Variants in IFT25 observed in about 807,000 individuals in gnomAD.
The protein encoded by IFT25 is intraflagellar transport protein 25 homolog.
chr1:53,935,450 T>C, the IFT25 span, among the ~76,000 whole-genome samples: 2 of 151,952 alleles, frequency 1.3e-5, no homozygotes, highest in Non-Finnish European at 2.9e-5. Flanking sequence ...TGGGGTTTCT[T>C]GTGTGGGGTT....
chr1:53,926,573 G>A, the IFT25 span, among the ~76,000 whole-genome samples: 1 of 151,986 alleles, frequency 6.6e-6, no homozygotes, highest in Non-Finnish European at 1.5e-5. Flanking sequence ...TTCCCCAATT[G>A]TCCCTGTCTT....
At chr1:53,931,257 T>C in the IFT25 span, among the ~76,000 whole-genome samples, 2 of 152,250 alleles carry the variant, frequency 1.3e-5, no homozygotes, top group East Asian at 1.9e-4. Context: ...AGTATTCTTG[T>C]ACAAGTGCTT....
At chr1:53,945,333 T>C in the IFT25 span, among the ~76,000 whole-genome samples, 1 of 152,226 alleles carries the variant, frequency 6.6e-6, no homozygotes, top group Admixed American at 6.5e-5. Context: ...ATTTCTGGCC[T>C]CAAAGAGTTT....
chr1:53,916,759 C>A, the IFT25 span: 1 of 384,442 alleles, frequency 2.6e-6, no homozygotes, highest in South Asian at 1.3e-4. Context: ...CCAAATTCAT[C>A]ATTATGAATG....
chr1:53,932,767 T>C, the IFT25 span, among the ~76,000 whole-genome samples: 1 of 152,294 alleles, frequency 6.6e-6, no homozygotes, highest in Admixed American at 6.5e-5. Flanking sequence ...GGTTTTGTCA[T>C]GTTGTCCAGG....
the IFT25 span, among the ~76,000 whole-genome samples, chr1:53,919,098 C>T: frequency 6.6e-6 from 1 of 152,116 alleles, no homozygotes; most frequent in Non-Finnish European, 1.5e-5. Context: ...CTCGGCCTCC[C>T]TAAGTGCTGG....
At chr1:53,942,157 AG>A in the IFT25 span, among the ~76,000 whole-genome samples, 1 of 152,210 alleles carries the variant, frequency 6.6e-6, no homozygotes, top group African/African-American at 2.4e-5. Context: ...AAAAGAAATG[AG>A]CAAGCTAGAA....
the IFT25 span, chr1:53,930,061 C>CCTTT: frequency 1.3e-6 from 2 of 1,565,530 alleles, no homozygotes; most frequent in Non-Finnish European, 1.7e-6. Flanking sequence ...GGATTACAAG[C>CCTTT]CTTTCAATCC....
the IFT25 span, among the ~76,000 whole-genome samples, chr1:53,922,254 C>T: frequency 3.3e-5 from 5 of 152,076 alleles, no homozygotes; most frequent in Non-Finnish European, 5.9e-5. Flanking sequence ...ATTAGCTGGG[C>T]GTGGTGGCAC....
the IFT25 span, among the ~76,000 whole-genome samples, chr1:53,932,750 G>A: frequency 6.6e-6 from 1 of 152,126 alleles, no homozygotes; most frequent in African/African-American, 2.4e-5. Context: ...TTTTTTCGTA[G>A]AGATGGGGTT....
the IFT25 span, among the ~76,000 whole-genome samples, chr1:53,936,885 C>T: frequency 6.6e-6 from 1 of 151,740 alleles, no homozygotes; most frequent in Non-Finnish European, 1.5e-5. Flanking sequence ...TTTAGAGATG[C>T]GGTCTTGCTA....
At chr1:53,923,019 T>G in the IFT25 span, among the ~76,000 whole-genome samples, 1 of 152,162 alleles carries the variant, frequency 6.6e-6, no homozygotes, top group Non-Finnish European at 1.5e-5. Context: ...TAGCAGGGGC[T>G]TACTAATCAT....
At chr1:53,939,442 TG>T in the IFT25 span, among the ~76,000 whole-genome samples, 3 of 151,712 alleles carry the variant, frequency 2.0e-5, no homozygotes, top group Admixed American at 6.6e-5. Flanking sequence ...TGCTTTTTCT[TG>T]GAATCTGAAG....
the IFT25 span, among the ~76,000 whole-genome samples, chr1:53,932,966 T>G: frequency 6.6e-6 from 1 of 152,198 alleles, no homozygotes; most frequent in African/African-American, 2.4e-5. Flanking sequence ...TCTTTATTGA[T>G]TTTCTGCCAA....
the IFT25 span, chr1:53,929,642 A>C: frequency 6.4e-6 from 1 of 156,370 alleles, no homozygotes; most frequent in Non-Finnish European, 1.4e-5. Flanking sequence ...ATTTTCAACA[A>C]GAATTTGACA....
chr1:53,925,543 T>C, the IFT25 span, among the ~76,000 whole-genome samples: 1 of 151,330 alleles, frequency 6.6e-6, no homozygotes, highest in Admixed American at 6.6e-5. Flanking sequence ...CGGGCACCTG[T>C]AGTCCCAGTT....
At chr1:53,928,828 T>C in the IFT25 span, 2 of 165,396 alleles carry the variant, frequency 1.2e-5, no homozygotes, top group Non-Finnish European at 2.6e-5. Context: ...AAAGGTACTT[T>C]AACCCACTTT....
the IFT25 span, among the ~76,000 whole-genome samples, chr1:53,933,823 AATT>A: frequency 6.6e-6 from 1 of 151,936 alleles, no homozygotes; most frequent in Admixed American, 6.6e-5. Flanking sequence ...CTGAGTGAAT[AATT>A]TTTTTAAAAT....
the IFT25 span, among the ~76,000 whole-genome samples, chr1:53,935,437 G>C: frequency 6.6e-6 from 1 of 152,158 alleles, no homozygotes; most frequent in East Asian, 1.9e-4. Context: ...CTGATAACAA[G>C]TGTGGGGTTT....
Sources: gnomAD v4.1 joint callset for allele counts (sites outside exome capture counted in the v4.1 genomes callset) on GRCh38, gnomAD v4.1.1 for gene constraint, MANE v1.5 for transcripts, NCBI Gene and HGNC (gene_info 2026-07-23, HGNC 2026-07-21) for gene names.